The following HTT variants were observed in gnomAD, a reference collection of about 807,000 sequenced individuals.
HTT encodes the protein huntington disease protein.
A neutral mutation model predicts 362.3 loss-of-function variants in HTT; 104 were observed. That is an observed-to-expected ratio of 0.29 (90% CI 0.24 to 0.34). The LOEUF (loss-of-function observed/expected upper bound fraction) is 0.34, where lower values mean the gene tolerates loss of function less well. Among genes scored for constraint, HTT ranks in the 10% least tolerant of loss-of-function variants. The probability of loss-of-function intolerance (pLI) is 1.00; values close to 1 mark genes in which losing one functional copy is unlikely to be tolerated. For synonymous variants in HTT, 1,577 were observed against 1,548.7 expected (o/e 1.02, Z -0.43); for missense variants, 3,301 against 3,928.6 (o/e 0.84, Z 4.27).
chr4:3,138,511 C>T (rs928968927), intron 21 of HTT, among the ~76,000 whole-genome samples: 1 of 152,188 alleles, frequency 6.6e-6, no homozygotes, highest in Non-Finnish European at 1.5e-5. Context: ...TATACTCCCA[C>T]TACCAGAATG....
rs1486656712 is a variant in HTT, at chr4:3,238,911, G to T, written c.9148G>T (p.Ala3050Ser). 2 of 1,611,048 alleles carry T rather than the reference G, an allele frequency of 1.2e-6. No homozygotes were observed. Among genetic ancestry groups the T allele is most frequent in the Admixed American group, 1.7e-5 (1 of 59,884 alleles). Residue 3050 changes from alanine (A) to serine (S), a missense_variant, in exon 66 of 67, where the codon GCC (alanine) becomes TCC (serine). By Grantham distance (99) the Ala-to-Ser change is moderately conservative. Around this residue, in one of 4 missense-constraint regions of HTT, gnomAD observed 753 missense variants for 1,021.3 expected, o/e 0.74. Coordinates refer to ENST00000355072, the MANE Select transcript of HTT (RefSeq NM_001388492.1). ...LSNFTQRAPV[A>S]MATWSLSCFF... ...CAACTTCACGCAGAGGGCCCCGGTC[G>T]CCATGGCCACGTGGAGCCTCTCCTG...
intron 28 of HTT, among the ~76,000 whole-genome samples, chr4:3,159,545 G>A (rs954754699): frequency 3.3e-5 from 5 of 152,188 alleles, no homozygotes; most frequent in Admixed American, 1.3e-4. Flanking sequence ...GTTGACTAGC[G>A]TAGTCATGGT....
chr4:3,238,735 C>T, intron 65 of HTT, 83 bp from the exon 66 acceptor site: 2 of 1,047,592 alleles, frequency 1.9e-6, no homozygotes, highest in Admixed American at 2.1e-5. Context: ...CTCTGGCCCC[C>T]ACCCCACCCC....
At chr4:3,139,994 G>A (rs972784534) in intron 21 of HTT, among the ~76,000 whole-genome samples, 1 of 151,938 alleles carries the variant, frequency 6.6e-6, no homozygotes, top group Admixed American at 6.6e-5. Flanking sequence ...GGGGGCTCAC[G>A]CCTGTAATCC....
chr4:3,150,324 TTAAA>T (rs1716812072), intron 26 of HTT, among the ~76,000 whole-genome samples: 1 of 152,190 alleles, frequency 6.6e-6, no homozygotes, highest in Non-Finnish European at 1.5e-5. Context: ...AAATTTAAAT[TTAAA>T]TAACCTTATG....
chr4:3,224,235 C>A, intron 56 of HTT, 104 bp downstream of exon 56: 2 of 1,246,786 alleles, frequency 1.6e-6, no homozygotes, highest in Non-Finnish European at 2.3e-6. Flanking sequence ...TGAGTGTGGT[C>A]TGAGTTGGAG....
In HTT at chr4:3,222,185, G is replaced by A. The variant is rs145126688; in HGVS notation, c.7370-202G>A. 1.5e-3 allele frequency among the ~76,000 whole-genome samples: 230 copies of A among 152,360 alleles called. 2 individuals carry two copies. Among genetic ancestry groups the A allele is most frequent in the Admixed American group, 3.7e-3 (56 of 15,306 alleles). On this transcript the variant is annotated intron_variant, in intron 53 of 66. Transcript: ENST00000355072. The stretch of plus-strand genomic sequence containing the variant: ...CTCATGTGTCTCGGACAGTGCAGCC[G>A]ATGTCTATACTTCGGTTTCCTCAAT...
At chr4:3,144,043 A>T (rs998086107) in intron 23 of HTT, among the ~76,000 whole-genome samples, 1 of 152,236 alleles carries the variant, frequency 6.6e-6, no homozygotes, top group African/African-American at 2.4e-5. Context: ...ATGGAGATGT[A>T]TAATCTGGAT....
At chr4:3,215,428 GTC>G (rs1416940006) in intron 51 of HTT, among the ~76,000 whole-genome samples, 2 of 152,132 alleles carry the variant, frequency 1.3e-5, no homozygotes, top group Non-Finnish European at 2.9e-5. Flanking sequence ...ACATGCGGCT[GTC>G]TCTGACCCTA....
At chr4:3,097,665 TA>T (rs556443028) in intron 2 of HTT, among the ~76,000 whole-genome samples, 24 of 152,092 alleles carry the variant, frequency 1.6e-4, no homozygotes, top group Non-Finnish European at 2.8e-4. Context: ...GACTATATGG[TA>T]ATATTATGAA....
chr4:3,186,837 GCT>G, intron 38 of HTT, 118 bp downstream of exon 38: 42 of 380,542 alleles, frequency 1.1e-4, no homozygotes, highest in Middle Eastern at 9.0e-4. Flanking sequence ...TTGAGAGTTT[GCT>G]TTTTTTTTTT....
At chr4:3,226,064 AG>A (rs965117947) in intron 57 of HTT, among the ~76,000 whole-genome samples, 1 of 152,132 alleles carries the variant, frequency 6.6e-6, no homozygotes, top group Non-Finnish European at 1.5e-5. Context: ...AGACACAAAA[AG>A]GGGGGTGAGG....
chr4:3,076,542 A>C (rs1712562521), intron 1 of HTT, among the ~76,000 whole-genome samples: 4 of 152,218 alleles, frequency 2.6e-5, no homozygotes, highest in Admixed American at 2.6e-4. Context: ...TATTTGGAGA[A>C]ATTTTAAAAC....
At chr4:3,157,018 C>G in intron 27 of HTT, 54 bp from the exon 28 acceptor site, 4 of 1,463,346 alleles carry the variant, frequency 2.7e-6, no homozygotes, top group Non-Finnish European at 3.7e-6. Flanking sequence ...CTCTTTAAAA[C>G]TTGGCAAGTT....
At position 3,078,083 on chromosome 4, in the gene HTT, G is replaced by A. The variant is rs1208784262; in HGVS notation, c.263+2995G>A. Among the ~76,000 whole-genome samples, 3 of 152,224 alleles carry A rather than the reference G, an allele frequency of 2.0e-5. No homozygotes were observed. The East Asian group carries it at 5.8e-4, about 29-fold the overall frequency. ...GCTCTGCTCAGCATACAGGATGCAG[G>A]AGTTCCTTATGGGGCTGGCTGCAGG... On this transcript the variant is annotated intron_variant, in intron 1 of 66. Coordinates refer to ENST00000355072, the MANE Select transcript of HTT (RefSeq NM_001388492.1).
rs1232367011 is a variant in HTT at position 3,175,069 on chromosome 4, C to T, written c.4369C>T (p.Gln1457Ter). Residue 1457 changes from glutamine (Q) to a stop codon, truncating the protein, a stop_gained, in exon 33 of 67, where the codon CAG becomes TAG. Transcript: ENST00000355072. LOFTEE classifies it high-confidence loss of function. ...TTTAGATTTGCTGGCGCAGCTGGTTCAGTTACGGGTTAATTACTGTCTTCT... is the reference window on the plus strand; with the variant it reads ...TTTAGATTTGCTGGCGCAGCTGGTTTAGTTACGGGTTAATTACTGTCTTCT... ...QVLDLLAQLV[Q>*]LRVNYCLLDS... 6.2e-7 allele frequency: 1 copy of T among 1,614,162 alleles called. No homozygotes were observed. The highest frequency in any genetic ancestry group is 1.7e-5 in the Admixed American group (1 of 60,024).
chr4:3,099,917 GTTGTATGGTTTGGAGGTGCTC>G lies in HTT; in HGVS notation c.468+546_468+566del, dbSNP rs537090066. Among the ~76,000 whole-genome samples the G allele has an allele frequency of 2.0e-4, 28 of 142,778 alleles. 2 individuals carry two copies. In the South Asian group the frequency reaches 5.9e-3, roughly 30 times the overall value. The allele number at this position is 142,778 out of a possible 152,430, so 93.7% of individuals were successfully genotyped here. A position where few individuals can be genotyped will look rare whatever the true frequency, so the allele number is the denominator to read the frequency against. On this transcript the variant is annotated intron_variant, in intron 3 of 66. Transcript: ENST00000355072. ...CTGTTGTATGGTTTGGAGGTGCTCTGTTGTATGGTTTGGAGGTGCTCTTGTATGGTTTGGAGGTGCTCTATT... is the reference window on the plus strand; with the variant it reads ...CTGTTGTATGGTTTGGAGGTGCTCTGTTGTATGGTTTGGAGGTGCTCTATT...
chr4:3,215,140 G>A lies in HTT; in HGVS notation c.6983G>A (p.Ser2328Asn). 1.2e-6 allele frequency: 2 copies of A among 1,614,088 alleles called. No individual in the cohort carries two copies. Among genetic ancestry groups the A allele is most frequent in the Non-Finnish European group, 1.7e-6 (2 of 1,179,962 alleles). Residue 2328 changes from serine (S) to asparagine (N), a missense_variant, in exon 51 of 67, where the codon AGT becomes AAT. Physicochemically the swap from Ser to Asn is conservative, Grantham distance 46. This residue lies in a region of HTT where 220 missense variants were observed against 218.5 expected (regional missense o/e 1.01). Transcript: ENST00000355072. ...GTGCAGCCTGGAGAGCAGCTTCTTA[G>A]TCCAGAAAGAAGGACAAATACCCCA... is the stretch of plus-strand genomic sequence containing the variant. The part of the protein sequence containing the change: ...VAVQPGEQLL[S>N]PERRTNTPKA...
At chr4:3,124,152 C>G (rs1195086454) in intron 10 of HTT, among the ~76,000 whole-genome samples, 4 of 152,094 alleles carry the variant, frequency 2.6e-5, no homozygotes, top group African/African-American at 4.8e-5. Flanking sequence ...TGTTTAGAAG[C>G]CAAAAGGATT....
Sources: gnomAD v4.1 joint callset for allele counts (sites outside exome capture counted in the v4.1 genomes callset) on GRCh38, gnomAD v4.1.1 for gene constraint, gnomAD v4.1.1 regional missense constraint, MANE v1.5 for transcripts, NCBI Gene and HGNC (gene_info 2026-07-23, HGNC 2026-07-21) for gene names.